The following DNAL1 variants were observed in gnomAD, a reference collection of about 807,000 sequenced individuals.
DNAL1 encodes dynein axonemal light chain 1, also known as chromosome 14 open reading frame 168.
In DNAL1, 17 loss-of-function variants were observed where a neutral mutation model predicts 29.4. The observed-to-expected ratio is 0.58, with a 90% CI of 0.40 to 0.87. The LOEUF (loss-of-function observed/expected upper bound fraction) is 0.87. Among genes scored for constraint, DNAL1 ranks in the 40% least tolerant of loss-of-function variants. The probability of loss-of-function intolerance (pLI) is 0.00; values close to 1 mark genes in which losing one functional copy is unlikely to be tolerated. For missense variants in DNAL1, 188 were observed against 214.1 expected (o/e 0.88, Z 0.76); for synonymous variants, 78 against 76.3 (o/e 1.02, Z -0.12).
intron 7 of DNAL1, among the ~76,000 whole-genome samples, chr14:73,693,438 A>G (rs1271479659): frequency 6.6e-6 from 1 of 152,262 alleles, no homozygotes; most frequent in Non-Finnish European, 1.5e-5. Flanking sequence ...CATGAACAAT[A>G]GAATACATAG....
rs753404083 is a variant in DNAL1 at position 73,654,828 on chromosome 14, C to CT, written c.4-5dup. 40,334 of 1,272,226 alleles carry CT rather than the reference C, an allele frequency of 0.032. 5 individuals are homozygous for CT. Among genetic ancestry groups the CT allele is most frequent in the South Asian group, 0.039 (2,655 of 67,346 alleles). The allele number at this position is 1,272,226 out of a possible 1,614,324, so 78.8% of individuals were successfully genotyped here. A position where few individuals can be genotyped will look rare whatever the true frequency, so the allele number is the denominator to read the frequency against. On this transcript the variant is annotated intron_variant, in intron 1 of 7. Transcript: ENST00000553645. ...TACAACTTTGTTTTTTCTTTTCTTT[C>CT]TTTTTTTTTTTTTTAAAGGCGAAAG...
At chr14:73,687,594 C>T (rs1052917272) in intron 6 of DNAL1, among the ~76,000 whole-genome samples, 14 of 152,098 alleles carry the variant, frequency 9.2e-5, no homozygotes, top group Middle Eastern at 3.2e-3. Context: ...TAGGATGGAC[C>T]GGGCGCGGTG....
chr14:73,688,688 A>G (rs1358284635), intron 6 of DNAL1, among the ~76,000 whole-genome samples: 2 of 152,192 alleles, frequency 1.3e-5, no homozygotes, highest in African/African-American at 2.4e-5. Context: ...TTGTTTTAAG[A>G]ATTCAAAGAT....
At chr14:73,683,810 C>T (rs543346571) in intron 5 of DNAL1, among the ~76,000 whole-genome samples, 10 of 152,104 alleles carry the variant, frequency 6.6e-5, no homozygotes, top group South Asian at 4.2e-4. Flanking sequence ...CAGGTTCAAG[C>T]GATTCTCTTG....
chr14:73,645,169 C>T (rs1890949948), intron 1 of DNAL1, 127 bp downstream of exon 1: 1 of 1,508,326 alleles, frequency 6.6e-7, no homozygotes, highest in Non-Finnish European at 9.0e-7. Flanking sequence ...GACGCTAGCT[C>T]TGTGGAGTCA....
At chr14:73,674,123 C>T (rs937139097) in intron 5 of DNAL1, among the ~76,000 whole-genome samples, 1 of 152,034 alleles carries the variant, frequency 6.6e-6, no homozygotes, top group African/African-American at 2.4e-5. Context: ...ATTATAAACC[C>T]ATTTGTATAT....
chr14:73,683,953 T>C (rs1466091044), intron 5 of DNAL1, among the ~76,000 whole-genome samples: 1 of 152,090 alleles, frequency 6.6e-6, no homozygotes, highest in Non-Finnish European at 1.5e-5. Context: ...GTGATCCACC[T>C]ACCTCGGCCT....
intron 3 of DNAL1, among the ~76,000 whole-genome samples, chr14:73,660,046 C>T (rs555021173): frequency 7.9e-5 from 12 of 152,316 alleles, no homozygotes; most frequent in African/African-American, 2.6e-4. Flanking sequence ...CCTGCCTCAG[C>T]CTCCCAAGTA....
In DNAL1 at chr14:73,699,076, C is replaced by G. The variant is rs956734760; in HGVS notation, c.*3134C>G. ...CCCACTAGATTCCAGTAGACCCCCT[C>G]CTCAGCCATGACAACAAAGATATCT... On this transcript the variant is annotated 3_prime_UTR_variant, in exon 8 of 8. Transcript: ENST00000553645. 4.6e-5 allele frequency: 7 copies of G among 152,214 alleles called. No homozygotes were observed. Among genetic ancestry groups the G allele is most frequent in the Non-Finnish European group, 1.0e-4 (7 of 68,062 alleles). 9.4% of individuals were successfully genotyped at this position (152,214 alleles called of 1,614,324 possible). A position where few individuals can be genotyped will look rare whatever the true frequency, so the allele number is the denominator to read the frequency against.
At chr14:73,690,912 G>A (rs1892157852) in intron 7 of DNAL1, among the ~76,000 whole-genome samples, 1 of 152,050 alleles carries the variant, frequency 6.6e-6, no homozygotes, top group Non-Finnish European at 1.5e-5. Flanking sequence ...TTTACAATTG[G>A]ATCAAAATTG....
chr14:73,655,670 T>C lies in DNAL1; in HGVS notation c.42+785T>C, dbSNP rs115141649. Among the ~76,000 whole-genome samples, 893 of 149,696 alleles carry C rather than the reference T, an allele frequency of 6.0e-3. 15 individuals carry two copies. Among genetic ancestry groups the C allele is most frequent in the African/African-American group, 0.021 (842 of 39,186 alleles). ...CCTACATTTTCTTTTTCAACTGTTA[T>C]CATCACTAAGCTACATACCATTTTC... is the stretch of plus-strand genomic sequence containing the variant. On this transcript the variant is annotated intron_variant, in intron 2 of 7. Coordinates refer to ENST00000553645, the MANE Select transcript of DNAL1 (RefSeq NM_031427.4).
Position 73,703,308 on chromosome 14 carries a change from A to G in DNAL1, c.*7366A>G, listed in dbSNP as rs1892481309. The G allele has an allele frequency of 2.0e-5, 3 of 152,222 alleles. No homozygotes were observed. The highest frequency in any genetic ancestry group is 4.4e-5 in the Non-Finnish European group (3 of 68,046). 9.4% of individuals were successfully genotyped at this position (152,222 alleles called of 1,614,324 possible). A position where few individuals can be genotyped will look rare whatever the true frequency, so the allele number is the denominator to read the frequency against. ...ATGTAGATACATACAATTGTTATAT[A>G]TAATTAAAAGTCAGAATCTTAGGTG... is the stretch of plus-strand genomic sequence containing the variant. On this transcript the variant is annotated 3_prime_UTR_variant, in exon 8 of 8. Transcript: ENST00000553645.
Position 73,695,884 on chromosome 14 carries a change from TTTTC to T in DNAL1, c.533-14_533-11del, listed in dbSNP as rs765742237. The T allele has an allele frequency of 6.4e-6, 10 of 1,554,660 alleles. No homozygotes were observed. In the African/African-American group the frequency reaches 8.2e-5, roughly 13 times the overall value. On this transcript the variant is annotated splice_polypyrimidine_tract_variant and intron_variant, in intron 7 of 7. Coordinates refer to ENST00000553645, the MANE Select transcript of DNAL1 (RefSeq NM_031427.4). ...ATTTTTTGAGAATAACCAGTAATAA[TTTTC>T]TTTTTCATTTTAGGTACTCCAGTAA...
At chr14:73,691,639 C>T (rs1892173609) in intron 7 of DNAL1, among the ~76,000 whole-genome samples, 1 of 152,172 alleles carries the variant, frequency 6.6e-6, no homozygotes, top group Non-Finnish European at 1.5e-5. Context: ...AAATCGACCT[C>T]ATTTTGACTT....
chr14:73,652,348 C>T (rs1269484709), intron 1 of DNAL1, among the ~76,000 whole-genome samples: 1 of 152,146 alleles, frequency 6.6e-6, no homozygotes, highest in Non-Finnish European at 1.5e-5. Context: ...ACTGCACCCT[C>T]TCTCCCTGGG....
intron 5 of DNAL1, among the ~76,000 whole-genome samples, chr14:73,685,692 C>T (rs915543292): frequency 6.6e-6 from 1 of 152,110 alleles, no homozygotes; most frequent in African/African-American, 2.4e-5. Flanking sequence ...AAACTCCTGA[C>T]CTAAGGTGAG....
Position 73,700,900 on chromosome 14 carries a change from TG to T in DNAL1, c.*4959del. On this transcript the variant is annotated 3_prime_UTR_variant, in exon 8 of 8. Coordinates refer to ENST00000553645, the MANE Select transcript of DNAL1 (RefSeq NM_031427.4). ...ATTTCTTTATCTGTGCTCTAACATG[TG>T]TCATATTGTTTTCTTTTTGTAAACC... is the stretch of plus-strand genomic sequence containing the variant. 1 of 152,370 alleles carries T rather than the reference TG, an allele frequency of 6.6e-6. No homozygotes were observed. Among genetic ancestry groups the T allele is most frequent in the East Asian group, 1.9e-4 (1 of 5,194 alleles). The allele number at this position is 152,370 out of a possible 1,614,324, so 9.4% of individuals were successfully genotyped here.
rs140419671 is a variant in DNAL1, at chr14:73,665,695, G to A, written c.208+3653G>A. 6.6e-3 allele frequency among the ~76,000 whole-genome samples: 1,010 copies of A among 152,134 alleles called. 17 individuals are homozygous for A. Among genetic ancestry groups the A allele is most frequent in the African/African-American group, 0.023 (947 of 41,512 alleles). ...AATCCCAGCTACGTGGGAGGCTGAG[G>A]CAGGAGAATAGCTGGAACCTGGGAG... On this transcript the variant is annotated intron_variant, in intron 4 of 7. Coordinates refer to ENST00000553645, the MANE Select transcript of DNAL1 (RefSeq NM_031427.4).
intron 5 of DNAL1, among the ~76,000 whole-genome samples, chr14:73,676,660 CA>C (rs1182756919): frequency 1.3e-5 from 2 of 151,950 alleles, no homozygotes; most frequent in African/African-American, 4.8e-5. Flanking sequence ...CGATTATTTC[CA>C]GGTTTTTTTT....
Sources: allele counts gnomAD v4.1 joint callset (sites outside exome capture counted in the v4.1 genomes callset), GRCh38; gene constraint gnomAD v4.1.1; transcripts MANE v1.5; gene names NCBI Gene and HGNC (gene_info 2026-07-23, HGNC 2026-07-21).